The following PALM2AKAP2 variants were observed in gnomAD, a reference collection of about 807,000 sequenced individuals.
PALM2AKAP2 encodes PALM2-AKAP2 fusion protein.
In PALM2AKAP2, 37 loss-of-function variants were observed where a neutral mutation model predicts 71.5. The ratio of observed to expected loss-of-function variants is 0.52; its 90% CI spans 0.40 to 0.68. PALM2AKAP2 has a LOEUF of 0.68. PALM2AKAP2 is among the 30% of genes least tolerant of loss of function. The pLI is 0.00. For synonymous variants in PALM2AKAP2, 468 were observed against 478.8 expected (o/e 0.98, Z 0.29); for missense variants, 1,224 against 1,191.8 (o/e 1.03, Z -0.40).
intron 1 of PALM2AKAP2, among the ~76,000 whole-genome samples, chr9:109,733,601 A>G (rs1482242668): frequency 2.0e-5 from 3 of 152,192 alleles, no homozygotes; most frequent in African/African-American, 4.8e-5. Flanking sequence ...AATGACATTC[A>G]ACCAGCCTGA....
At chr9:109,710,936 T>C (rs533928635) in intron 1 of PALM2AKAP2, among the ~76,000 whole-genome samples, 1 of 151,864 alleles carries the variant, frequency 6.6e-6, no homozygotes, top group East Asian at 1.9e-4. Flanking sequence ...ATTCTGTTTC[T>C]CCAACGTGGC....
chr9:109,740,458 T>G (rs1177915101), intron 1 of PALM2AKAP2, among the ~76,000 whole-genome samples: 1 of 152,124 alleles, frequency 6.6e-6, no homozygotes, highest in African/African-American at 2.4e-5. Flanking sequence ...AAACAAGCCA[T>G]GTAGCCATTT....
chr9:109,984,139 C>A (rs1418197334), intron 6 of PALM2AKAP2, among the ~76,000 whole-genome samples: 1 of 151,918 alleles, frequency 6.6e-6, no homozygotes, highest in South Asian at 2.1e-4. Context: ...ACTTTGAGAC[C>A]CTTAACCCTA....
intron 6 of PALM2AKAP2, chr9:109,942,793 A>G: frequency 6.2e-7 from 1 of 1,614,150 alleles, no homozygotes. Context: ...GAAAGGAGTC[A>G]AAGTCTATGA....
intron 1 of PALM2AKAP2, among the ~76,000 whole-genome samples, chr9:110,080,624 G>A (rs772724984): frequency 5.3e-5 from 8 of 152,136 alleles, no homozygotes; most frequent in Non-Finnish European, 8.8e-5. Context: ...TATAAAAGCT[G>A]TGCCCATTGT....
rs1828310521 is a variant in PALM2AKAP2, at chr9:109,715,814, C to T, written c.6-64674C>T. Among the ~76,000 whole-genome samples the T allele has an allele frequency of 2.0e-5, 3 of 152,160 alleles. 1 individual carries two copies. In the South Asian group the frequency reaches 6.2e-4, roughly 32 times the overall value. ...TAGAGGTCATGCTTAGAATTCAGAC[C>T]ATTTCTTCTTCTTCTTTCTTTTCTT... On this transcript the variant is annotated intron_variant, in intron 1 of 6. Transcript: ENST00000374531.
intron 1 of PALM2AKAP2, among the ~76,000 whole-genome samples, chr9:109,832,382 G>T (rs1032418191): frequency 1.8e-4 from 28 of 152,206 alleles, no homozygotes; most frequent in African/African-American, 6.3e-4. Flanking sequence ...CAAGGATGCT[G>T]TGTTGTGAGG....
chr9:109,695,752 T>G (rs1157571813), intron 1 of PALM2AKAP2, among the ~76,000 whole-genome samples: 1 of 152,150 alleles, frequency 6.6e-6, no homozygotes, highest in Non-Finnish European at 1.5e-5. Flanking sequence ...AGGTCATTAT[T>G]TAAAGTGAAA....
chr9:109,776,572 T>C (rs924372101), upstream of PALM2AKAP2, among the ~76,000 whole-genome samples: 1 of 152,210 alleles, frequency 6.6e-6, no homozygotes, highest in South Asian at 2.1e-4. Context: ...TGAGCCGAGA[T>C]TGCCTGCCAT....
At position 109,880,695 on chromosome 9, in the gene PALM2AKAP2, A is replaced by G. The variant is rs1342916340; in HGVS notation, c.257+14A>G. The G allele has an allele frequency of 6.2e-7, 1 of 1,613,034 alleles. No homozygotes were observed. Among genetic ancestry groups the G allele is most frequent in the African/African-American group, 1.3e-5 (1 of 74,928 alleles). On this transcript the variant is annotated intron_variant, in intron 3 of 9. Coordinates refer to the PALM2AKAP2 transcript ENST00000302798. ...TAACATTCAGAGGTAGGTGGCTTCC[A>G]GCCCAGGGAACCCATGCTACAGTTT...
intron 1 of PALM2AKAP2, among the ~76,000 whole-genome samples, chr9:109,719,258 A>C (rs1828371407): frequency 6.6e-6 from 1 of 152,212 alleles, no homozygotes; most frequent in Non-Finnish European, 1.5e-5. Flanking sequence ...AAAATAAGAG[A>C]TCAGTTGTGA....
chr9:110,009,191 G>A (rs78726470), intron 6 of PALM2AKAP2, among the ~76,000 whole-genome samples: 1,559 of 152,092 alleles, frequency 0.01, 26 homozygotes, highest in African/African-American at 0.036. Flanking sequence ...GTGATTACAG[G>A]GAGTGTGGGT....
exon 4 of PALM2AKAP2, chr9:110,169,927 T>C (rs557467249): frequency 6.5e-6 from 1 of 152,700 alleles, no homozygotes; most frequent in African/African-American, 2.4e-5. Flanking sequence ...TTCTTTTTTA[T>C]GAAAAGGGAT....
chr9:110,108,664 T>C (rs1480361286), intron 1 of PALM2AKAP2, among the ~76,000 whole-genome samples: 1 of 152,010 alleles, frequency 6.6e-6, no homozygotes, highest in Non-Finnish European at 1.5e-5. Context: ...GAGTACAGAG[T>C]TTCTGTCTAA....
chr9:109,842,730 C>T (rs1828733467), intron 1 of PALM2AKAP2, among the ~76,000 whole-genome samples: 2 of 152,020 alleles, frequency 1.3e-5, no homozygotes, highest in Non-Finnish European at 2.9e-5. Context: ...TCAAAATTAT[C>T]AAGGTCAGGT....
At chr9:109,750,929 G>C (rs2118710916) in intron 1 of PALM2AKAP2, among the ~76,000 whole-genome samples, 1 of 152,204 alleles carries the variant, frequency 6.6e-6, no homozygotes, top group South Asian at 2.1e-4. Flanking sequence ...ATTCAAGACA[G>C]GTTTCTTTCC....
intron 1 of PALM2AKAP2, among the ~76,000 whole-genome samples, chr9:109,807,559 CTTT>C (rs11398626): frequency 8.5e-5 from 12 of 140,452 alleles, no homozygotes; most frequent in African/African-American, 2.1e-4. Flanking sequence ...TCTCTGGGAC[CTTT>C]TTTTTTTTTT....
At chr9:109,984,850 G>T (rs888251078) in intron 6 of PALM2AKAP2, among the ~76,000 whole-genome samples, 8 of 152,048 alleles carry the variant, frequency 5.3e-5, no homozygotes, top group African/African-American at 1.4e-4. Flanking sequence ...TCCAGCCAGG[G>T]CAACAGAGCC....
chr9:109,720,581 G>T lies in PALM2AKAP2; in HGVS notation c.6-59907G>T, dbSNP rs556826314. Among the ~76,000 whole-genome samples the T allele has an allele frequency of 5.3e-5, 8 of 152,318 alleles. No individual in the cohort carries two copies. In the East Asian group the frequency reaches 9.6e-4, roughly 18 times the overall value. On this transcript the variant is annotated intron_variant, in intron 1 of 6. Coordinates refer to the PALM2AKAP2 transcript ENST00000374531. ...AAAATGAGAAGAAGCCAAGGATAAAGCTCAGGGGAACACTAATATTTAAGG... is the reference window on the plus strand; with the variant it reads ...AAAATGAGAAGAAGCCAAGGATAAATCTCAGGGGAACACTAATATTTAAGG...
Sources: allele counts gnomAD v4.1 joint callset (sites outside exome capture counted in the v4.1 genomes callset), GRCh38; gene constraint gnomAD v4.1.1; transcripts MANE v1.5; gene names NCBI Gene and HGNC (gene_info 2026-07-23, HGNC 2026-07-21).